The following SZT2 variants were observed in gnomAD, a reference collection of about 807,000 sequenced individuals.
The protein encoded by SZT2 is KICSTOR complex protein SZT2.
SZT2 carries 216 observed loss-of-function variants against 404.2 expected under a neutral mutation model. The ratio of observed to expected loss-of-function variants is 0.53; its 90% CI spans 0.48 to 0.60. The LOEUF is 0.60. Among genes scored for constraint, SZT2 ranks in the 20% least tolerant of loss-of-function variants. The pLI is 0.00. For synonymous variants in SZT2, 1,693 were observed against 1,749.9 expected, an observed-to-expected ratio of 0.97 and a Z score of 0.81; for missense variants, 3,857 against 4,459.2, an observed-to-expected ratio of 0.86 and a Z score of 3.85.
At chr1:43,436,176 C>A (rs1654440390) in intron 42 of SZT2, 1 of 152,214 alleles carries the variant, frequency 6.6e-6, no homozygotes, top group African/African-American at 2.4e-5. Context: ...CTTTGCAGTT[C>A]TCCTCTGGTT....
In SZT2 at chr1:43,435,300, C is replaced by T; in HGVS notation, c.6005C>T (p.Ser2002Phe). The change falls in exon 42 of 72, where the codon TCC (serine) becomes TTC (phenylalanine). Residue 2002 changes from serine (S) to phenylalanine (F), a missense_variant. Ser to Phe is a radical substitution (Grantham distance 155). This residue lies in a region of SZT2 where 1,725 missense variants were observed against 1,881.0 expected (regional missense o/e 0.92). Coordinates refer to ENST00000634258, the MANE Select transcript of SZT2 (RefSeq NM_001365999.1). ...DLWRSETPFH[S>F]RQRAPLPSDD... ...TGGCGCAGTGAGACTCCCTTCCACT[C>T]CCGTCAGCGGGCACCACTGCCCAGT... 1.9e-6 allele frequency: 3 copies of T among 1,614,202 alleles called. No individual in the cohort carries two copies. The highest frequency in any genetic ancestry group is 8.5e-7 in the Non-Finnish European group (1 of 1,180,044).
intron 1 of SZT2, among the ~76,000 whole-genome samples, 182 bp from the exon 2 acceptor site, chr1:43,402,993 CAG>C (rs1367604147): frequency 3.9e-5 from 6 of 152,146 alleles, no homozygotes; most frequent in African/African-American, 7.2e-5. Flanking sequence ...CAAACAGGAA[CAG>C]AGAGTTGAGA....
At chr1:43,400,358 C>A (rs533849344) in intron 1 of SZT2, among the ~76,000 whole-genome samples, 1 of 152,246 alleles carries the variant, frequency 6.6e-6, no homozygotes, top group African/African-American at 2.4e-5. Context: ...CTCATTACCC[C>A]CATTGTGCTC....
intron 28 of SZT2, chr1:43,429,087 A>G (rs1429406310): frequency 6.4e-6 from 1 of 156,634 alleles, no homozygotes; most frequent in African/African-American, 2.4e-5. Context: ...TGTGCCCCCC[A>G]AATGAATGCA....
chr1:43,432,376 G>A lies in SZT2; in HGVS notation c.5379G>A (p.Glu1793=), dbSNP rs765099450. 1.2e-6 allele frequency: 2 copies of A among 1,603,956 alleles called. No individual in the cohort carries two copies. Among genetic ancestry groups the A allele is most frequent in the East Asian group, 2.2e-5 (1 of 44,814 alleles). ...AACAGCCAGGTGGGTCCCATGGGGAGCCTTCTTCAGCGGCCTGGGCTTGGC... is the reference window on the plus strand; with the variant it reads ...AACAGCCAGGTGGGTCCCATGGGGAACCTTCTTCAGCGGCCTGGGCTTGGC... ...AGQQPGGSHG[E]PSSAAWAWHS... Residue 1793 remains glutamate, a synonymous_variant, in exon 37 of 72, where the codon GAG becomes GAA. Transcript: ENST00000634258.
chr1:43,431,394 A>C, intron 34 of SZT2, 22 bp downstream of exon 34: 1 of 1,612,690 alleles, frequency 6.2e-7, no homozygotes, highest in Non-Finnish European at 8.5e-7. Context: ...TCTCCCTGTC[A>C]GAGTTCATTA....
intron 11 of SZT2, 53 bp downstream of exon 11, chr1:43,421,356 A>G: frequency 6.3e-7 from 1 of 1,581,680 alleles, no homozygotes; most frequent in Non-Finnish European, 8.5e-7. Flanking sequence ...TGGGTTGCAC[A>G]GCATCTGGAG....
rs1304526156 is a variant in SZT2 at position 43,447,880 on chromosome 1, C to T, written c.9472C>T (p.Arg3158Ter). The T allele has an allele frequency of 1.9e-6, 3 of 1,614,072 alleles. No individual in the cohort carries two copies. The highest frequency in any genetic ancestry group is 1.6e-4 in the Middle Eastern group (1 of 6,062). The part of the protein sequence containing the change: ...SGSYLDSEGL[R>*]HQDDFDVSLL... ...CTCCTACCTGGACTCTGAGGGACTT[C>T]GACACCAGGATGACTTTGATGTGTC... Residue 3158 changes from arginine (R) to a stop codon, truncating the protein, a stop_gained, in exon 68 of 72, where the codon CGA (arginine) becomes TGA (stop). Transcript: ENST00000634258. LOFTEE classifies it high-confidence loss of function.
At chr1:43,427,824 G>A (rs1653366435) in intron 26 of SZT2, 90 bp downstream of exon 26, 2 of 1,472,688 alleles carry the variant, frequency 1.4e-6, no homozygotes, top group African/African-American at 1.4e-5. Context: ...GGGCAGGTAA[G>A]TTGCTGCCAT....
In SZT2 at chr1:43,450,827, C is replaced by T. The variant is rs1656305164; in HGVS notation, c.*347C>T. 2.8e-6 allele frequency: 2 copies of T among 709,720 alleles called. No individual in the cohort carries two copies. The highest frequency in any genetic ancestry group is 5.2e-6 in the Non-Finnish European group (2 of 382,748). 44.0% of individuals were successfully genotyped at this position (709,720 alleles called of 1,614,324 possible). A position where few individuals can be genotyped will look rare whatever the true frequency, so the allele number is the denominator to read the frequency against. On this transcript the variant is annotated 3_prime_UTR_variant, in exon 72 of 72. Transcript: ENST00000634258. This position sits in a 1 kb window ranked among gnomAD's most constrained non-coding sequence, Gnocchi z 4.3. ...CCCCCTAGAGCTCCTCTGCCTGAAT[C>T]CTGCCCCCTAGCCTTTGACCACTGT...
At chr1:43,401,112 T>G (rs1483418162) in intron 1 of SZT2, among the ~76,000 whole-genome samples, 1 of 151,804 alleles carries the variant, frequency 6.6e-6, no homozygotes, top group East Asian at 2.0e-4. Context: ...AGTAGTAGAG[T>G]TGAGGTTTCA....
chr1:43,439,181 T>A lies in SZT2; in HGVS notation c.6792+88T>A. The A allele has an allele frequency of 6.3e-7, 1 of 1,585,976 alleles. No homozygotes were observed. Among genetic ancestry groups the A allele is most frequent in the Non-Finnish European group, 8.6e-7 (1 of 1,160,320 alleles). On this transcript the variant is annotated intron_variant, in intron 48 of 71. Coordinates refer to ENST00000634258, the MANE Select transcript of SZT2 (RefSeq NM_001365999.1). The surrounding 1 kb of genome is among the most constrained non-coding windows in gnomAD (Gnocchi z 4.2). Reference sequence around the variant, plus strand: ...ACTCTTTCCTACCGATACCCCTATATGTACCTTTGCCCATGGACCTGGGTA... The same window carrying A: ...ACTCTTTCCTACCGATACCCCTATAAGTACCTTTGCCCATGGACCTGGGTA...
At chr1:43,428,145 G>T in intron 27 of SZT2, 27 bp downstream of exon 27, 1 of 1,612,054 alleles carries the variant, frequency 6.2e-7, no homozygotes, top group South Asian at 1.1e-5. Flanking sequence ...TGGGAGGGAG[G>T]AGTGGGGCCC....
chr1:43,452,835 C>T lies in SZT2; in HGVS notation c.*2355C>T. 6.6e-7 allele frequency: 1 copy of T among 1,506,034 alleles called. No homozygotes were observed. Among genetic ancestry groups the T allele is most frequent in the Non-Finnish European group, 9.0e-7 (1 of 1,106,212 alleles). The allele number at this position is 1,506,034 out of a possible 1,614,324, so 93.3% of individuals were successfully genotyped here. Reference sequence around the variant, plus strand: ...GAGCCGTCCACCTCCTCCCATCATCCCCTGATCTTAGCCACATCCAGCTCC... The same window carrying T: ...GAGCCGTCCACCTCCTCCCATCATCTCCTGATCTTAGCCACATCCAGCTCC... On this transcript the variant is annotated 3_prime_UTR_variant, in exon 72 of 72. Transcript: ENST00000634258.
At chr1:43,438,419 T>C (rs1654693309) in intron 46 of SZT2, among the ~76,000 whole-genome samples, 1 of 152,226 alleles carries the variant, frequency 6.6e-6, no homozygotes, top group Non-Finnish European at 1.5e-5. Context: ...AAATAACTTC[T>C]AGTGTAATTC....
chr1:43,447,024 G>C lies in SZT2; in HGVS notation c.9142G>C (p.Asp3048His). 6.2e-7 allele frequency: 1 copy of C among 1,613,934 alleles called. No homozygotes were observed. Among genetic ancestry groups the C allele is most frequent in the Non-Finnish European group, 8.5e-7 (1 of 1,180,044 alleles). ...GATGCACGTGCACTCGTTCAGCTAT[G>C]ACTTCCATCTGCGCCTCGTGCATCA... ...DLMHVHSFSY[D>H]FHLRLVHQHV... The change falls in exon 66 of 72, where the codon GAC becomes CAC. Residue 3048 changes from aspartate (D) to histidine (H), a missense_variant. By Grantham distance (81) the Asp-to-His change is moderately conservative. This residue lies in a region of SZT2 where 717 missense variants were observed against 868.2 expected (regional missense o/e 0.83). Transcript: ENST00000634258.
chr1:43,431,017 A>G lies in SZT2; in HGVS notation c.4843A>G (p.Thr1615Ala). The change falls in exon 33 of 72, where the codon ACT becomes GCT. Residue 1615 changes from threonine (T) to alanine (A), a missense_variant. This residue lies in a region of SZT2 where 1,725 missense variants were observed against 1,881.0 expected (regional missense o/e 0.92). Transcript: ENST00000634258. ...GRVPLRDLSVTLDVFMLTLPL... is the reference protein window; with the variant it reads ...GRVPLRDLSVALDVFMLTLPL... ...AGTTCCCTTGAGGGACCTCAGTGTG[A>G]CTCTGGATGTCTTCATGCTGACTTT... The G allele has an allele frequency of 6.2e-7, 1 of 1,613,776 alleles. No homozygotes were observed. The highest frequency in any genetic ancestry group is 1.1e-5 in the South Asian group (1 of 91,044).
At chr1:43,435,642 CAG>C (rs1654381932) in intron 42 of SZT2, 1 of 237,876 alleles carries the variant, frequency 4.2e-6, no homozygotes, top group Non-Finnish European at 8.2e-6. Context: ...AGTGAAGAGA[CAG>C]AGAAAATAGA....
chr1:43,435,272 C>A lies in SZT2; in HGVS notation c.5977C>A (p.Leu1993Met), dbSNP rs141284022. The change falls in exon 42 of 72, where the codon CTG becomes ATG. Residue 1993 changes from leucine (L) to methionine (M), a missense_variant. By Grantham distance (15) the Leu-to-Met change is conservative. Transcript: ENST00000634258. ...SLLVAESEED[L>M]WRSETPFHSR... ...TCTGGTGGCCGAGAGTGAAGAAGAT[C>A]TGTGGCGCAGTGAGACTCCCTTCCA... The A allele has an allele frequency of 6.2e-7, 1 of 1,614,258 alleles. No homozygotes were observed. The highest frequency in any genetic ancestry group is 1.3e-5 in the African/African-American group (1 of 75,062).
Sources: gnomAD v4.1 joint callset for allele counts (sites outside exome capture counted in the v4.1 genomes callset) on GRCh38, gnomAD v4.1.1 for gene constraint, gnomAD v4.1.1 regional missense constraint, Gnocchi (gnomAD v3.1) non-coding constraint, MANE v1.5 for transcripts, NCBI Gene and HGNC (gene_info 2026-07-23, HGNC 2026-07-21) for gene names.